The following HDAC9 variants were observed in gnomAD, a reference collection of about 807,000 sequenced individuals.
HDAC9 encodes histone deacetylase 9, also known as MEF-2 interacting transcription repressor (MITR) protein.
In HDAC9, 41 loss-of-function variants were observed where a neutral mutation model predicts 139.4. That is an observed-to-expected ratio of 0.29 (90% CI 0.23 to 0.38). The LOEUF (loss-of-function observed/expected upper bound fraction) is 0.38, where lower values mean the gene tolerates loss of function less well. Among genes scored for constraint, HDAC9 ranks in the 10% least tolerant of loss-of-function variants. The pLI, the probability that HDAC9 is intolerant of heterozygous loss-of-function variation, is 1.00. For synonymous variants in HDAC9, 517 were observed against 476.2 expected, an observed-to-expected ratio of 1.09 and a Z score of -1.12; for missense variants, 1,147 against 1,297.0, an observed-to-expected ratio of 0.88 and a Z score of 1.78.
At chr7:18,280,615 A>G (rs1156262431) in intron 2 of HDAC9, among the ~76,000 whole-genome samples, 1 of 151,010 alleles carries the variant, frequency 6.6e-6, no homozygotes, top group East Asian at 1.9e-4. Flanking sequence ...AACAAAAAAA[A>G]TAGCTGGCGT....
At chr7:18,688,237 C>G (rs1281207862) in intron 12 of HDAC9, among the ~76,000 whole-genome samples, 1 of 151,668 alleles carries the variant, frequency 6.6e-6, no homozygotes, top group African/African-American at 2.4e-5. Flanking sequence ...ATAATATTCT[C>G]AGAGAGCAAG....
intron 2 of HDAC9, among the ~76,000 whole-genome samples, chr7:18,581,756 T>C (rs1827896194): frequency 6.6e-6 from 1 of 152,218 alleles, no homozygotes; most frequent in African/African-American, 2.4e-5. Flanking sequence ...CAAAATCTCA[T>C]GTTACTCCAG....
intron 2 of HDAC9, among the ~76,000 whole-genome samples, chr7:18,227,200 A>C (rs1261979415): frequency 6.6e-6 from 1 of 152,194 alleles, no homozygotes; most frequent in East Asian, 1.9e-4. Context: ...AAATTTAATT[A>C]GCCTTCTCCC....
At chr7:18,532,003 C>T (rs1809146334) in intron 2 of HDAC9, among the ~76,000 whole-genome samples, 1 of 152,146 alleles carries the variant, frequency 6.6e-6, no homozygotes, top group Non-Finnish European at 1.5e-5. Flanking sequence ...AATCCCAGCA[C>T]TTTGGGAGGC....
Position 18,372,700 on chromosome 7 carries a change from T to C in HDAC9, c.-42+82185T>C, listed in dbSNP as rs537426130. Among the ~76,000 whole-genome samples, 6 of 152,334 alleles carry C rather than the reference T, an allele frequency of 3.9e-5. No homozygotes were observed. In the East Asian group the frequency reaches 1.2e-3, roughly 29 times the overall value. On this transcript the variant is annotated intron_variant, in intron 1 of 3. Transcript: ENST00000413509. ...AGCTAGGCCCAGACCTAGTCTAGTC[T>C]GTGATCTACCAGGGTTGACAGAAAA... is the stretch of plus-strand genomic sequence containing the variant.
intron 1 of HDAC9, among the ~76,000 whole-genome samples, chr7:18,482,501 T>A (rs1270793252): frequency 1.3e-5 from 2 of 151,718 alleles, no homozygotes. Context: ...TTTGTCTTGA[T>A]CTCAGTTATC....
intron 22 of HDAC9, among the ~76,000 whole-genome samples, chr7:18,881,876 A>C (rs1238452857): frequency 2.0e-5 from 3 of 152,120 alleles, no homozygotes; most frequent in Non-Finnish European, 2.9e-5. Flanking sequence ...AGTGTCTAGA[A>C]GTCACCTACC....
intron 1 of HDAC9, among the ~76,000 whole-genome samples, chr7:18,410,568 T>C (rs1297453698): frequency 6.6e-6 from 1 of 152,236 alleles, no homozygotes; most frequent in Non-Finnish European, 1.5e-5. Context: ...ACACTGATAA[T>C]GTACTATATT....
At chr7:18,829,034 G>A (rs374707936) in intron 17 of HDAC9, 127 bp from the exon 18 acceptor site, 34 of 714,644 alleles carry the variant, frequency 4.8e-5, no homozygotes, top group African/African-American at 1.7e-4. Context: ...AAACAATCTC[G>A]GAAGCGTATG....
At chr7:18,647,020 A>T (rs1276910506) in intron 9 of HDAC9, among the ~76,000 whole-genome samples, 2 of 152,174 alleles carry the variant, frequency 1.3e-5, no homozygotes, top group Non-Finnish European at 2.9e-5. Context: ...AATTTAATTT[A>T]AAAAATTAAA....
At chr7:18,447,527 T>C (rs78342565) in intron 1 of HDAC9, among the ~76,000 whole-genome samples, 5,183 of 152,292 alleles carry the variant, frequency 0.034, 106 homozygotes, top group African/African-American at 0.063. Flanking sequence ...ACGTCCATAA[T>C]TCCTTTTATT....
At chr7:18,884,529 T>C (rs576376060) in intron 22 of HDAC9, among the ~76,000 whole-genome samples, 3 of 152,186 alleles carry the variant, frequency 2.0e-5, no homozygotes, top group African/African-American at 4.8e-5. Flanking sequence ...TCTTATACCA[T>C]GTAAAAAAAA....
At chr7:18,444,223 C>T (rs1792073071) in intron 1 of HDAC9, among the ~76,000 whole-genome samples, 1 of 151,384 alleles carries the variant, frequency 6.6e-6, no homozygotes, top group Non-Finnish European at 1.5e-5. Flanking sequence ...TCTGTAGTCC[C>T]AGCTACTTGG....
chr7:18,570,137 G>T (rs1384780586), intron 2 of HDAC9, among the ~76,000 whole-genome samples: 1 of 151,946 alleles, frequency 6.6e-6, no homozygotes, highest in Non-Finnish European at 1.5e-5. Flanking sequence ...TGAATCAGTA[G>T]ATTCACAGAT....
At chr7:18,838,313 C>T (rs1038658448) in intron 21 of HDAC9, among the ~76,000 whole-genome samples, 2 of 152,016 alleles carry the variant, frequency 1.3e-5, no homozygotes, top group African/African-American at 4.8e-5. Context: ...AAATGATTAA[C>T]TTGTCCTCAA....
intron 2 of HDAC9, among the ~76,000 whole-genome samples, chr7:18,583,852 G>T (rs1340077400): frequency 6.6e-6 from 1 of 152,110 alleles, no homozygotes; most frequent in Non-Finnish European, 1.5e-5. Context: ...CAAATAGTTG[G>T]TTTTATCTGA....
chr7:18,096,214 C>T (rs1409765891), intron 1 of HDAC9, among the ~76,000 whole-genome samples: 2 of 152,208 alleles, frequency 1.3e-5, no homozygotes, highest in Non-Finnish European at 2.9e-5. Context: ...ATTATCTTCA[C>T]ACTCATGATG....
At chr7:18,818,208 A>G (rs1485327711) in intron 17 of HDAC9, among the ~76,000 whole-genome samples, 1 of 152,196 alleles carries the variant, frequency 6.6e-6, no homozygotes, top group African/African-American at 2.4e-5. Context: ...GGACATTTAG[A>G]AGTACCTTAG....
chr7:18,976,972 T>C (rs1355633510), intron 25 of HDAC9, among the ~76,000 whole-genome samples: 1 of 152,246 alleles, frequency 6.6e-6, no homozygotes, highest in East Asian at 1.9e-4. Flanking sequence ...TTCTACTTTC[T>C]TGCTTTTACT....
Sources: gnomAD v4.1 joint callset for allele counts (sites outside exome capture counted in the v4.1 genomes callset) on GRCh38, gnomAD v4.1.1 for gene constraint, MANE v1.5 for transcripts, NCBI Gene and HGNC (gene_info 2026-07-23, HGNC 2026-07-21) for gene names.